TLK1: variants seen among roughly 807,000 people sequenced by gnomAD.
The protein encoded by TLK1 is tousled like kinase 1.
In TLK1, 24 loss-of-function variants were observed where a neutral mutation model predicts 105.3. The ratio of observed to expected loss-of-function variants is 0.23; its 90% CI spans 0.17 to 0.32. TLK1 has a LOEUF of 0.32. TLK1 is among the 10% of genes least tolerant of loss of function. The pLI is 1.00. For synonymous variants in TLK1, 321 were observed against 310.4 expected (o/e 1.03, Z -0.36); for missense variants, 558 against 910.5 (o/e 0.61, Z 4.98).
rs369622046 is a variant in TLK1 at position 171,046,223 on chromosome 2, C to A, written c.1120G>T (p.Val374Phe). The A allele has an allele frequency of 3.1e-6, 5 of 1,612,406 alleles. No individual in the cohort carries two copies. Among genetic ancestry groups the A allele is most frequent in the Non-Finnish European group, 4.2e-6 (5 of 1,179,336 alleles). ...SEPKQRKNKA[V>F]NGAENDPFVR... ...AAGGGATCATTCTCTGCTCCATTGA[C>A]TGCTTTGTTTTTCCTTTGTTTTGGT... Residue 374 changes from valine (V) to phenylalanine (F), a missense_variant, in exon 11 of 21, where the codon GTC becomes TTC. This residue lies in a region of TLK1 where 218 missense variants were observed against 492.9 expected (regional missense o/e 0.44). Coordinates refer to ENST00000431350, the MANE Select transcript of TLK1 (RefSeq NM_012290.5).
chr2:171,061,301 T>C, intron 3 of TLK1, 145 bp from the exon 4 acceptor site: 1 of 633,280 alleles, frequency 1.6e-6, no homozygotes, highest in Non-Finnish European at 2.6e-6. Context: ...TTACACACAA[T>C]TTATTTAAAA....
chr2:171,162,389 T>G (rs1487429333), upstream of TLK1, among the ~76,000 whole-genome samples: 1 of 152,056 alleles, frequency 6.6e-6, no homozygotes, highest in Non-Finnish European at 1.5e-5. Context: ...AATACAAAAA[T>G]TAGCCGGGTG....
chr2:171,083,708 G>T (rs1688847199), intron 2 of TLK1, among the ~76,000 whole-genome samples: 1 of 152,184 alleles, frequency 6.6e-6, no homozygotes, highest in Non-Finnish European at 1.5e-5. Flanking sequence ...CAGGTTGCCA[G>T]TTAGACTATA....
At chr2:171,149,301 T>C (rs1691936051) in intron 1 of TLK1, among the ~76,000 whole-genome samples, 1 of 152,002 alleles carries the variant, frequency 6.6e-6, no homozygotes, top group Non-Finnish European at 1.5e-5. Flanking sequence ...TGCCATGTAT[T>C]TCTCATTCAA....
At chr2:171,043,902 CCCA>C (rs925696647) in intron 11 of TLK1, among the ~76,000 whole-genome samples, 8 of 152,116 alleles carry the variant, frequency 5.3e-5, no homozygotes, top group African/African-American at 1.9e-4. Flanking sequence ...AATACAATCA[CCCA>C]CCAAGCCAGT....
chr2:171,015,667 G>T (rs1022246874), intron 12 of TLK1, among the ~76,000 whole-genome samples: 5 of 135,214 alleles, frequency 3.7e-5, no homozygotes, highest in Non-Finnish European at 7.6e-5. Flanking sequence ...TATCACTCAT[G>T]TCATTCATGT....
At position 170,993,705 on chromosome 2, in the gene TLK1, ACACT is replaced by A; in HGVS notation, c.*71_*74del. The A allele has an allele frequency of 8.1e-7, 1 of 1,230,872 alleles. No individual in the cohort carries two copies. The highest frequency in any genetic ancestry group is 1.1e-6 in the Non-Finnish European group (1 of 924,798). 76.2% of individuals were successfully genotyped at this position (1,230,872 alleles called of 1,614,324 possible). On this transcript the variant is annotated 3_prime_UTR_variant, in exon 21 of 21. Transcript: ENST00000431350. The stretch of plus-strand genomic sequence containing the variant: ...AAAAAAAAAAAGAAAAAGAAAACAA[ACACT>A]CAAATGCTCTCAAACTTAAGTGTGC...
chr2:171,029,248 G>GA (rs67672974), intron 11 of TLK1, among the ~76,000 whole-genome samples: 3,127 of 152,122 alleles, frequency 0.021, 43 homozygotes, highest in Non-Finnish European at 0.03. Context: ...TTAAAAAGAG[G>GA]AAAAAAACAA....
At chr2:171,125,366 C>T (rs1690825233) in intron 1 of TLK1, among the ~76,000 whole-genome samples, 1 of 152,144 alleles carries the variant, frequency 6.6e-6, no homozygotes, top group South Asian at 2.1e-4. Flanking sequence ...CAATGTTTTG[C>T]TATTAAATTC....
At chr2:171,021,544 A>G (rs2105382767) in intron 12 of TLK1, among the ~76,000 whole-genome samples, 1 of 149,528 alleles carries the variant, frequency 6.7e-6, no homozygotes, top group Non-Finnish European at 1.5e-5. Flanking sequence ...CTGGGATTAC[A>G]GGCATGAGTC....
intron 1 of TLK1, among the ~76,000 whole-genome samples, chr2:171,168,497 G>T (rs887643138): frequency 2.6e-5 from 4 of 152,160 alleles, no homozygotes; most frequent in Non-Finnish European, 5.9e-5. Flanking sequence ...TATTCAGGGC[G>T]CTGTGGCTCA....
intron 1 of TLK1, among the ~76,000 whole-genome samples, chr2:171,213,481 C>G (rs1693657364): frequency 6.6e-6 from 1 of 151,570 alleles, no homozygotes; most frequent in Admixed American, 6.6e-5. Flanking sequence ...AGGATTACAG[C>G]TATGAGCCAC....
chr2:171,209,294 T>C (rs1693565380), intron 1 of TLK1, among the ~76,000 whole-genome samples: 1 of 152,234 alleles, frequency 6.6e-6, no homozygotes, highest in African/African-American at 2.4e-5. Context: ...TATTTATCTT[T>C]TTATATTGTT....
intron 11 of TLK1, among the ~76,000 whole-genome samples, chr2:171,031,765 ATGGGG>A (rs1196226591): frequency 1.3e-5 from 2 of 152,218 alleles, no homozygotes; most frequent in African/African-American, 4.8e-5. Context: ...TAACAGAAAT[ATGGGG>A]TGACAGTATT....
intron 11 of TLK1, among the ~76,000 whole-genome samples, chr2:171,033,850 T>C (rs780497486): frequency 3.4e-5 from 5 of 148,552 alleles, no homozygotes; most frequent in Non-Finnish European, 7.4e-5. Context: ...GCAGAAAATA[T>C]CTGCAAATCA....
At chr2:171,202,645 T>A (rs1446942022) in intron 1 of TLK1, among the ~76,000 whole-genome samples, 1 of 151,834 alleles carries the variant, frequency 6.6e-6, no homozygotes, top group Non-Finnish European at 1.5e-5. Flanking sequence ...TAGTCCCAGC[T>A]ACTTGGGAGG....
intron 1 of TLK1, among the ~76,000 whole-genome samples, chr2:171,192,967 A>G (rs1693184180): frequency 6.6e-6 from 1 of 152,238 alleles, no homozygotes; most frequent in Non-Finnish European, 1.5e-5. Context: ...AGATCAATAT[A>G]CTTTAACATA....
intron 1 of TLK1, among the ~76,000 whole-genome samples, chr2:171,224,844 A>G (rs1398152981): frequency 6.6e-6 from 1 of 152,238 alleles, no homozygotes; most frequent in Admixed American, 6.5e-5. Flanking sequence ...ATACTGGCTT[A>G]GTGATAGACA....
intron 3 of TLK1, among the ~76,000 whole-genome samples, chr2:171,064,423 T>C (rs1687896509): frequency 1.3e-5 from 2 of 152,222 alleles, no homozygotes; most frequent in Admixed American, 1.3e-4. Flanking sequence ...TGACCAATGA[T>C]TTCCTTGAGG....
Sources: allele counts gnomAD v4.1 joint callset (sites outside exome capture counted in the v4.1 genomes callset), GRCh38; gene constraint gnomAD v4.1.1; regional missense constraint gnomAD v4.1.1; transcripts MANE v1.5; gene names NCBI Gene and HGNC (gene_info 2026-07-23, HGNC 2026-07-21).